RBMS3: variants seen among roughly 807,000 people sequenced by gnomAD.
RBMS3 encodes RNA-binding motif, single-stranded-interacting protein 3.
Under a neutral mutation model 66.8 loss-of-function variants are expected in RBMS3, and 27 were observed. The ratio of observed to expected loss-of-function variants is 0.40; its 90% CI spans 0.30 to 0.56. The LOEUF is 0.56. Ranked by LOEUF, RBMS3 falls within the 20% of genes least tolerant of loss-of-function variation. The pLI, the probability that RBMS3 is intolerant of heterozygous loss-of-function variation, is 0.40. For missense variants in RBMS3, 513 were observed against 549.5 expected, an observed-to-expected ratio of 0.93 and a Z score of 0.66; for synonymous variants, 188 against 183.0, an observed-to-expected ratio of 1.03 and a Z score of -0.22.
chr3:29,309,923 A>C (rs2125463266), intron 1 of RBMS3, among the ~76,000 whole-genome samples: 1 of 151,798 alleles, frequency 6.6e-6, no homozygotes, highest in East Asian at 2.0e-4. Context: ...TTGAGATTTA[A>C]AATTAGAAAA....
intron 1 of RBMS3, among the ~76,000 whole-genome samples, chr3:29,294,381 T>G (rs922923398): frequency 4.0e-5 from 6 of 151,612 alleles, no homozygotes; most frequent in Non-Finnish European, 8.8e-5. Context: ...TTGGGTTACA[T>G]TCCTAACTAA....
intron 3 of RBMS3, among the ~76,000 whole-genome samples, chr3:29,579,257 G>A (rs1370673808): frequency 1.3e-4 from 20 of 152,140 alleles, no homozygotes; most frequent in Non-Finnish European, 4.4e-5. Context: ...AGGATGCTTC[G>A]GTTGTGGGGA....
At position 30,009,497 on chromosome 3, in the gene RBMS3, A is replaced by G. The variant is rs546610631; in HGVS notation, c.*5635A>G. 6.6e-6 allele frequency: 1 copy of G among 152,230 alleles called. No homozygotes were observed. The highest frequency in any genetic ancestry group is 1.5e-5 in the Non-Finnish European group (1 of 67,994). 9.4% of individuals were successfully genotyped at this position (152,230 alleles called of 1,614,324 possible). On this transcript the variant is annotated 3_prime_UTR_variant, in exon 15 of 15. Transcript: ENST00000383767. The stretch of plus-strand genomic sequence containing the variant: ...TGAGAGTTGGCTAAATTCTTGCAGA[A>G]TATATGGGAAAAAAATCATAGCAAA...
chr3:29,500,827 T>C (rs2043939384), intron 3 of RBMS3, among the ~76,000 whole-genome samples: 1 of 150,248 alleles, frequency 6.7e-6, no homozygotes, highest in Admixed American at 6.7e-5. Context: ...TACATGTGTA[T>C]GTCAGTACAT....
At chr3:29,425,227 A>C (rs1289352420) in intron 1 of RBMS3, among the ~76,000 whole-genome samples, 5 of 151,262 alleles carry the variant, frequency 3.3e-5, no homozygotes, top group Non-Finnish European at 3.0e-5. Context: ...AAAAAAAAAA[A>C]AACAGGCGTG....
chr3:29,875,694 G>C (rs113190280), intron 7 of RBMS3, among the ~76,000 whole-genome samples: 1 of 151,918 alleles, frequency 6.6e-6, no homozygotes, highest in Non-Finnish European at 1.5e-5. Context: ...ATTTAACTTT[G>C]GTTTTAATGA....
At chr3:29,746,685 T>A (rs1397708078) in intron 5 of RBMS3, among the ~76,000 whole-genome samples, 2 of 152,174 alleles carry the variant, frequency 1.3e-5, no homozygotes, top group Admixed American at 1.3e-4. Context: ...TTCTTTTTCA[T>A]ATATTCAGAG....
At chr3:29,285,479 C>G (rs2032244978) in intron 1 of RBMS3, among the ~76,000 whole-genome samples, 1 of 152,092 alleles carries the variant, frequency 6.6e-6, no homozygotes, top group Admixed American at 6.5e-5. Context: ...CTTTTCCACA[C>G]CCTTACCAGT....
intron 4 of RBMS3, among the ~76,000 whole-genome samples, chr3:29,681,193 C>T (rs2051476050): frequency 1.3e-5 from 2 of 152,258 alleles, no homozygotes; most frequent in African/African-American, 2.4e-5. Context: ...TGAATGATTT[C>T]TTAAATGTTC....
chr3:29,573,328 C>T (rs993973495), intron 3 of RBMS3, among the ~76,000 whole-genome samples: 77 of 152,080 alleles, frequency 5.1e-4, no homozygotes, highest in African/African-American at 1.8e-3. Context: ...ACCATGTTGG[C>T]CAGGCTGGTC....
At chr3:29,699,808 A>C (rs1399264654) in intron 4 of RBMS3, among the ~76,000 whole-genome samples, 2 of 152,210 alleles carry the variant, frequency 1.3e-5, no homozygotes, top group African/African-American at 4.8e-5. Flanking sequence ...ACTAAACCAC[A>C]GTGCACATGT....
intron 6 of RBMS3, among the ~76,000 whole-genome samples, chr3:29,831,088 G>T (rs2058358662): frequency 6.6e-6 from 1 of 152,118 alleles, no homozygotes; most frequent in Non-Finnish European, 1.5e-5. Context: ...TAAAATAACA[G>T]ATCTTCTTTG....
intron 3 of RBMS3, among the ~76,000 whole-genome samples, chr3:29,560,678 T>A (rs988312755): frequency 1.3e-5 from 2 of 152,208 alleles, no homozygotes; most frequent in South Asian, 2.1e-4. Flanking sequence ...AGAAGAAGAA[T>A]CCGGGGGTGA....
chr3:29,383,634 A>T (rs1465813293), intron 1 of RBMS3, among the ~76,000 whole-genome samples: 2 of 152,166 alleles, frequency 1.3e-5, no homozygotes, highest in Non-Finnish European at 2.9e-5. Flanking sequence ...GTTCCATACT[A>T]ACTTATGAAC....
chr3:29,856,377 G>A (rs1030163717), intron 6 of RBMS3, among the ~76,000 whole-genome samples: 6 of 152,208 alleles, frequency 3.9e-5, no homozygotes, highest in East Asian at 1.9e-4. Context: ...AAGGAGCAGC[G>A]TAAGCAGATC....
At chr3:29,810,521 C>T (rs997489969) in intron 6 of RBMS3, among the ~76,000 whole-genome samples, 3 of 152,020 alleles carry the variant, frequency 2.0e-5, no homozygotes, top group Non-Finnish European at 4.4e-5. Context: ...GTGAACCACA[C>T]AATGGAATGT....
intron 14 of RBMS3, among the ~76,000 whole-genome samples, chr3:29,994,688 T>C (rs572472637): frequency 0.015 from 2,305 of 152,244 alleles, 26 homozygotes; most frequent in Non-Finnish European, 0.025. Flanking sequence ...GGCAGGGTAT[T>C]CCAACAGACC....
At chr3:29,578,844 G>GAC (rs1395551463) in intron 3 of RBMS3, among the ~76,000 whole-genome samples, 2 of 123,936 alleles carry the variant, frequency 1.6e-5, no homozygotes, top group Non-Finnish European at 3.2e-5. Flanking sequence ...GCCCAGGTCG[G>GAC]ACTGCGGACT....
intron 3 of RBMS3, among the ~76,000 whole-genome samples, chr3:29,512,704 A>C (rs1209023687): frequency 6.6e-5 from 10 of 152,200 alleles, no homozygotes; most frequent in Non-Finnish European, 1.0e-4. Context: ...TACAGCCATA[A>C]TACTTCCTGT....
Sources: allele counts gnomAD v4.1 joint callset (sites outside exome capture counted in the v4.1 genomes callset), GRCh38; gene constraint gnomAD v4.1.1; transcripts MANE v1.5; gene names NCBI Gene and HGNC (gene_info 2026-07-23, HGNC 2026-07-21).